Variants in CYB5B observed in about 807,000 individuals in gnomAD.
The protein encoded by CYB5B is cytochrome b5 type B (outer mitochondrial membrane).
Under a neutral mutation model 21.3 loss-of-function variants are expected in CYB5B, and 14 were observed. The observed-to-expected ratio is 0.66, with a 90% CI of 0.43 to 1.03. The LOEUF is 1.03. Ranked by LOEUF, CYB5B falls within the 50% of genes least tolerant of loss-of-function variation. The pLI is 0.00. For synonymous variants in CYB5B, 69 were observed against 68.4 expected, an observed-to-expected ratio of 1.01 and a Z score of -0.04; for missense variants, 166 against 185.1, an observed-to-expected ratio of 0.90 and a Z score of 0.60.
At chr16:69,434,221 T>C (rs1285675837) in intron 1 of CYB5B, among the ~76,000 whole-genome samples, 2 of 152,364 alleles carry the variant, frequency 1.3e-5, no homozygotes, top group South Asian at 2.1e-4. Flanking sequence ...TTGTAACTTA[T>C]GATTTCATTG....
At chr16:69,444,302 ACTG>A (rs2014855413) in intron 1 of CYB5B, 3 of 152,496 alleles carry the variant, frequency 2.0e-5, no homozygotes, top group Admixed American at 2.0e-4. Context: ...CTCTGTCTTC[ACTG>A]AGAGCTGGTC....
intron 4 of CYB5B, 165 bp downstream of exon 4, chr16:69,459,286 T>A: frequency 2.2e-6 from 2 of 916,344 alleles, no homozygotes; most frequent in Non-Finnish European, 3.2e-6. Flanking sequence ...TTAGAAAAAT[T>A]AACTTTTACA....
intron 3 of CYB5B, among the ~76,000 whole-genome samples, chr16:69,450,457 T>C (rs2014921537): frequency 6.6e-6 from 1 of 152,186 alleles, no homozygotes; most frequent in Non-Finnish European, 1.5e-5. Flanking sequence ...CTGGCTATTG[T>C]GTTTCTAGTC....
rs755154659 is a variant in CYB5B at position 69,462,476 on chromosome 16, G to C, written c.409G>C (p.Gly137Arg). The C allele has an allele frequency of 1.4e-5, 22 of 1,613,980 alleles. No homozygotes were observed. The highest frequency in any genetic ancestry group is 2.2e-5 in the East Asian group (1 of 44,898). Residue 137 changes from glycine (G) to arginine (R), a missense_variant, in exon 5 of 5, where the codon GGT becomes CGT. Coordinates refer to ENST00000307892, the MANE Select transcript of CYB5B (RefSeq NM_030579.3). ...ILPIIGAVLL[G>R]FLYRYYTSES... ...ACCCATCATAGGCGCTGTTCTCTTA[G>C]GTTTCCTGTACCGCTACTACACATC...
chr16:69,451,603 T>C (rs904385395), intron 3 of CYB5B, among the ~76,000 whole-genome samples: 2 of 151,964 alleles, frequency 1.3e-5, no homozygotes, highest in Non-Finnish European at 2.9e-5. Context: ...TTTGAGTGAG[T>C]ATTATAAAAT....
At chr16:69,458,799 A>G (rs757850660) in intron 3 of CYB5B, among the ~76,000 whole-genome samples, 3 of 152,200 alleles carry the variant, frequency 2.0e-5, no homozygotes, top group Non-Finnish European at 2.9e-5. Context: ...CCATTTCAAT[A>G]TAGTTTGTAT....
intron 1 of CYB5B, among the ~76,000 whole-genome samples, chr16:69,428,915 C>T (rs1266571232): frequency 6.6e-6 from 1 of 152,098 alleles, no homozygotes; most frequent in African/African-American, 2.4e-5. Flanking sequence ...TCAGGGAGGC[C>T]ACAGTGGTTG....
Position 69,447,063 on chromosome 16 carries a change from G to A in CYB5B, c.175-87G>A, listed in dbSNP as rs1365062862. ...TTTGTTCCATTATTTCTATTAAAGG[G>A]AGAAAGGAAGAAGGGGGTATGGGAA... On this transcript the variant is annotated intron_variant, in intron 1 of 4. Coordinates refer to ENST00000307892, the MANE Select transcript of CYB5B (RefSeq NM_030579.3). 4.1e-6 allele frequency: 6 copies of A among 1,458,510 alleles called. No homozygotes were observed. In the African/African-American group the frequency reaches 7.0e-5, roughly 17 times the overall value. 90.3% of individuals were successfully genotyped at this position (1,458,510 alleles called of 1,614,324 possible).
intron 3 of CYB5B, among the ~76,000 whole-genome samples, chr16:69,454,466 C>A (rs189164170): frequency 2.6e-5 from 4 of 152,284 alleles, no homozygotes; most frequent in Non-Finnish European, 5.9e-5. Context: ...AAATCATATA[C>A]CTTCAATACT....
intron 3 of CYB5B, among the ~76,000 whole-genome samples, chr16:69,457,343 A>G (rs1044239498): frequency 6.6e-6 from 1 of 152,202 alleles, no homozygotes; most frequent in Non-Finnish European, 1.5e-5. Context: ...TATAGATTAA[A>G]CATCATAATA....
At chr16:69,426,195 C>A (rs1205368676) in intron 1 of CYB5B, among the ~76,000 whole-genome samples, 1 of 151,456 alleles carries the variant, frequency 6.6e-6, no homozygotes, top group African/African-American at 2.4e-5. Context: ...GTCAGGAGAT[C>A]GAGACCGTCC....
chr16:69,424,735 C>G lies in CYB5B; in HGVS notation c.52C>G (p.Gln18Glu), dbSNP rs1413290510. The change falls in exon 1 of 5, where the codon CAG becomes GAG. Residue 18 changes from glutamine (Q) to glutamate (E), a missense_variant. Coordinates refer to ENST00000307892, the MANE Select transcript of CYB5B (RefSeq NM_030579.3). Reference protein sequence around the residue: ...AEASGSDGKGQEVETSVTYYR... With the variant: ...AEASGSDGKGEEVETSVTYYR... Reference sequence around the variant, plus strand: ...AGCTAGCGGCAGCGATGGGAAAGGGCAGGAAGTCGAGACCTCAGTCACCTA... The same window carrying G: ...AGCTAGCGGCAGCGATGGGAAAGGGGAGGAAGTCGAGACCTCAGTCACCTA... 6.3e-7 allele frequency: 1 copy of G among 1,599,454 alleles called. No homozygotes were observed. Among genetic ancestry groups the G allele is most frequent in the East Asian group, 2.3e-5 (1 of 42,856 alleles).
chr16:69,459,070 A>ATTTT (rs34120910), intron 3 of CYB5B, 23 bp from the exon 4 acceptor site: 29 of 1,368,314 alleles, frequency 2.1e-5, no homozygotes, highest in Admixed American at 6.5e-5. Context: ...TTATTTTTGA[A>ATTTT]TTTTTTTTTT....
At chr16:69,461,846 T>A (rs1306005999) in intron 4 of CYB5B, among the ~76,000 whole-genome samples, 1 of 152,222 alleles carries the variant, frequency 6.6e-6, no homozygotes, top group East Asian at 1.9e-4. Flanking sequence ...CTTTGGGATT[T>A]GGGGTGCAAA....
At chr16:69,455,697 G>T (rs1218647699) in intron 3 of CYB5B, among the ~76,000 whole-genome samples, 1 of 152,040 alleles carries the variant, frequency 6.6e-6, no homozygotes, top group African/African-American at 2.4e-5. Flanking sequence ...ACAGGCATGA[G>T]CCACCGCGAC....
intron 1 of CYB5B, among the ~76,000 whole-genome samples, chr16:69,445,998 C>G (rs1170249730): frequency 6.6e-6 from 1 of 152,048 alleles, no homozygotes; most frequent in Non-Finnish European, 1.5e-5. Context: ...GTGGTGAAGT[C>G]TTCCTTCTAC....
Position 69,464,176 on chromosome 16 carries a change from G to T in CYB5B, c.*1656G>T, listed in dbSNP as rs1310162942. The T allele has an allele frequency of 6.6e-6, 1 of 152,072 alleles. No individual in the cohort carries two copies. Among genetic ancestry groups the T allele is most frequent in the African/African-American group, 2.4e-5 (1 of 41,400 alleles). The allele number at this position is 152,072 out of a possible 1,614,324, so 9.4% of individuals were successfully genotyped here. Reference sequence around the variant, plus strand: ...ACTATTTAAGAAAAAGTTCAACCCAGGTCTTGTATCCTGTGATTTAGCAGT... The same window carrying T: ...ACTATTTAAGAAAAAGTTCAACCCATGTCTTGTATCCTGTGATTTAGCAGT... On this transcript the variant is annotated 3_prime_UTR_variant, in exon 5 of 5. Transcript: ENST00000307892.
In CYB5B at chr16:69,464,186, C is replaced by A; in HGVS notation, c.*1666C>A. 1 of 152,126 alleles carries A rather than the reference C, an allele frequency of 6.6e-6. No homozygotes were observed. Among genetic ancestry groups the A allele is most frequent in the East Asian group, 1.9e-4 (1 of 5,200 alleles). 9.4% of individuals were successfully genotyped at this position (152,126 alleles called of 1,614,324 possible). A position where few individuals can be genotyped will look rare whatever the true frequency, so the allele number is the denominator to read the frequency against. On this transcript the variant is annotated 3_prime_UTR_variant, in exon 5 of 5. Coordinates refer to ENST00000307892, the MANE Select transcript of CYB5B (RefSeq NM_030579.3). ...AAAAAGTTCAACCCAGGTCTTGTAT[C>A]CTGTGATTTAGCAGTTGAATGAATA...
chr16:69,465,841 A>C lies in CYB5B; in HGVS notation c.*3321A>C, dbSNP rs532290069. The C allele has an allele frequency of 1.3e-5, 2 of 152,236 alleles. No homozygotes were observed. Among genetic ancestry groups the C allele is most frequent in the Non-Finnish European group, 2.9e-5 (2 of 68,050 alleles). 9.4% of individuals were successfully genotyped at this position (152,236 alleles called of 1,614,324 possible). ...TTTAAACTATCTTATTCTGTTGCCA[A>C]ATATCACAGAAGTAATGAGGAGTTT... is the stretch of plus-strand genomic sequence containing the variant. On this transcript the variant is annotated 3_prime_UTR_variant, in exon 5 of 5. Coordinates refer to ENST00000307892, the MANE Select transcript of CYB5B (RefSeq NM_030579.3).
Sources: allele counts gnomAD v4.1 joint callset (sites outside exome capture counted in the v4.1 genomes callset), GRCh38; gene constraint gnomAD v4.1.1; transcripts MANE v1.5; gene names NCBI Gene and HGNC (gene_info 2026-07-23, HGNC 2026-07-21).